Variants in MARVELD2 observed in about 807,000 individuals in gnomAD.
The protein encoded by MARVELD2 is MARVEL domain containing 2.
A neutral mutation model predicts 57.6 loss-of-function variants in MARVELD2; 49 were observed. The observed-to-expected ratio is 0.85, with a 90% confidence interval of 0.68 to 1.08. The LOEUF is 1.08. Ranked by LOEUF, MARVELD2 falls within the 50% of genes least tolerant of loss-of-function variation. The pLI, the probability that MARVELD2 is intolerant of heterozygous loss-of-function variation, is 0.00. For synonymous variants in MARVELD2, 238 were observed against 258.8 expected, an observed-to-expected ratio of 0.92 and a Z score of 0.77; for missense variants, 606 against 701.1, an observed-to-expected ratio of 0.86 and a Z score of 1.53.
intron 6 of MARVELD2, among the ~76,000 whole-genome samples, chr5:69,441,174 G>A (rs1457747928): frequency 3.3e-5 from 5 of 151,878 alleles, no homozygotes; most frequent in African/African-American, 9.7e-5. Flanking sequence ...AAGAGATGGG[G>A]TCTTGGCATG....
chr5:69,419,362 TGGCCACA>T lies in MARVELD2; in HGVS notation c.-15-6_-15del. 6.2e-7 allele frequency: 1 copy of T among 1,614,042 alleles called. No homozygotes were observed. Among genetic ancestry groups the T allele is most frequent in the Non-Finnish European group, 8.5e-7 (1 of 1,179,918 alleles). The stretch of plus-strand genomic sequence containing the variant: ...TAATCATAAGTGATAACTTTAAATT[TGGCCACA>T]GGTGTGAAAATCACAAATGTCAAAT... On this transcript the variant is annotated splice_acceptor_variant and splice_polypyrimidine_tract_variant and intron_variant, in intron 1 of 6. Coordinates refer to ENST00000325631, the MANE Select transcript of MARVELD2 (RefSeq NM_001038603.3). LOFTEE classifies it low-confidence loss of function (5UTR_SPLICE).
chr5:69,421,543 C>T (rs1018744437), intron 2 of MARVELD2, among the ~76,000 whole-genome samples: 1 of 152,168 alleles, frequency 6.6e-6, no homozygotes, highest in Non-Finnish European at 1.5e-5. Context: ...TATAACAGCA[C>T]ACACTGACAT....
chr5:69,437,556 C>T (rs757753718), intron 5 of MARVELD2, among the ~76,000 whole-genome samples: 13 of 148,186 alleles, frequency 8.8e-5, no homozygotes, highest in Admixed American at 2.0e-4. Context: ...TGGTGGTGGG[C>T]GCCTGTAATC....
chr5:69,428,231 G>GGACTGC (rs1335617537), intron 3 of MARVELD2, among the ~76,000 whole-genome samples: 201 of 38,988 alleles, frequency 5.2e-3, no homozygotes, highest in South Asian at 0.011. Context: ...GCCGGGCATG[G>GGACTGC]TGGCTCACAC....
At chr5:69,440,953 A>G (rs1158601690) in intron 6 of MARVELD2, among the ~76,000 whole-genome samples, 1 of 152,084 alleles carries the variant, frequency 6.6e-6, no homozygotes, top group Non-Finnish European at 1.5e-5. Flanking sequence ...TAGTGGTGGC[A>G]CACGCCTGTA....
In MARVELD2 at chr5:69,420,572, G is replaced by C. The variant is rs181171033; in HGVS notation, c.1146+41G>C. 58 of 1,574,202 alleles carry C rather than the reference G, an allele frequency of 3.7e-5. No homozygotes were observed. In the Admixed American group the frequency reaches 8.5e-4, roughly 23 times the overall value. ...ATCCCTCATTTGTGTGTGTATGTTT[G>C]TTTTTTCTGTTATTTGCTCCCTTGT... On this transcript the variant is annotated intron_variant, in intron 2 of 6. Coordinates refer to ENST00000325631, the MANE Select transcript of MARVELD2 (RefSeq NM_001038603.3).
chr5:69,430,427 G>A (rs927834213), intron 3 of MARVELD2, among the ~76,000 whole-genome samples: 5 of 152,054 alleles, frequency 3.3e-5, no homozygotes, highest in African/African-American at 1.2e-4. Flanking sequence ...TGTTGCCCAG[G>A]CTGGTCTCAA....
Position 69,435,022 on chromosome 5 carries a change from CT to C in MARVELD2, c.1503+1947del, listed in dbSNP as rs754658859. Among the ~76,000 whole-genome samples the C allele has an allele frequency of 4.0e-3, 482 of 121,690 alleles. 1 individual carries two copies. The highest frequency in any genetic ancestry group is 8.1e-3 in the African/African-American group (270 of 33,142). The allele number at this position is 121,690 out of a possible 152,430, so 79.8% of individuals were successfully genotyped here. ...GTGCCATTTTTTAATCAGATGTACT[CT>C]TTTTTTTTTTTTTTTTTGAGATGGA... On this transcript the variant is annotated intron_variant, in intron 5 of 6. Coordinates refer to ENST00000325631, the MANE Select transcript of MARVELD2 (RefSeq NM_001038603.3).
At chr5:69,415,223 C>A (rs1054081800) in intron 1 of MARVELD2, 53 bp downstream of exon 1, 1 of 152,318 alleles carries the variant, frequency 6.6e-6, no homozygotes, top group Non-Finnish European at 1.5e-5. Flanking sequence ...GCCCGGCGGC[C>A]CCCGGCCCAG....
chr5:69,434,587 G>A (rs1767074757), intron 5 of MARVELD2, among the ~76,000 whole-genome samples: 1 of 152,050 alleles, frequency 6.6e-6, no homozygotes, highest in Non-Finnish European at 1.5e-5. Context: ...TAGTTACAGA[G>A]GCTTAAGCTT....
chr5:69,432,677 T>C lies in MARVELD2; in HGVS notation c.1331+2T>C, dbSNP rs772048719. The C allele has an allele frequency of 3.0e-5, 48 of 1,613,878 alleles. No individual in the cohort carries two copies. The South Asian group carries it at 3.8e-4, about 13-fold the overall frequency. ...TATCGTGATGCCCGACTATGTGGCG[T>C]GAGTGTCAGTCTGAATTCTTCCTCA... is the stretch of plus-strand genomic sequence containing the variant. On this transcript the variant is annotated splice_donor_variant, in intron 4 of 6. Coordinates refer to ENST00000325631, the MANE Select transcript of MARVELD2 (RefSeq NM_001038603.3). LOFTEE classifies it high-confidence loss of function.
At chr5:69,429,573 C>T (rs1766894696) in intron 3 of MARVELD2, among the ~76,000 whole-genome samples, 1 of 152,114 alleles carries the variant, frequency 6.6e-6, no homozygotes, top group South Asian at 2.1e-4. Context: ...GCATTGCTTG[C>T]CCTGTCCATC....
chr5:69,440,318 T>C, intron 5 of MARVELD2, 132 bp from the exon 6 acceptor site: 1 of 573,538 alleles, frequency 1.7e-6, no homozygotes, highest in Non-Finnish European at 3.2e-6. Context: ...GTGAATTGAA[T>C]TTTTGTGTGT....
In MARVELD2 at chr5:69,419,919, G is replaced by A. The variant is rs111514679; in HGVS notation, c.534G>A (p.Glu178=). 8.9e-5 allele frequency: 144 copies of A among 1,614,174 alleles called. No individual in the cohort carries two copies. In the African/African-American group the frequency reaches 1.2e-3, roughly 14 times the overall value. ...GAACATACAGTGAGAAGGTGGAGGA[G>A]TATAACCTGAGATACTCCTACATGA... The part of the protein sequence containing the change: ...TVRTYSEKVE[E]YNLRYSYMKS... The change falls in exon 2 of 7, where the codon GAG becomes GAA. Residue 178 remains glutamate (E), a synonymous_variant. Coordinates refer to ENST00000325631, the MANE Select transcript of MARVELD2 (RefSeq NM_001038603.3).
chr5:69,429,845 CAAAAAAAAA>C (rs35899728), intron 3 of MARVELD2, among the ~76,000 whole-genome samples: 2 of 126,742 alleles, frequency 1.6e-5, no homozygotes, highest in African/African-American at 2.9e-5. Flanking sequence ...GACTCTGTAT[CAAAAAAAAA>C]AAAAAAAAAA....
At chr5:69,416,652 A>G (rs1200254749) in intron 1 of MARVELD2, among the ~76,000 whole-genome samples, 1 of 152,250 alleles carries the variant, frequency 6.6e-6, no homozygotes, top group East Asian at 1.9e-4. Flanking sequence ...GTTTGGCCAT[A>G]AATCGATAAG....
intron 6 of MARVELD2, 23 bp downstream of exon 6, chr5:69,440,523 A>C: frequency 7.7e-7 from 1 of 1,296,192 alleles, no homozygotes; most frequent in Non-Finnish European, 1.1e-6. Context: ...GTTTTCTTCA[A>C]ACTGTATTCT....
intron 5 of MARVELD2, among the ~76,000 whole-genome samples, chr5:69,435,415 A>T (rs1358413123): frequency 2.0e-5 from 3 of 152,068 alleles, no homozygotes; most frequent in African/African-American, 7.2e-5. Flanking sequence ...GAGTTTTGCA[A>T]TCAGCACCAC....
At position 69,442,226 on chromosome 5, in the gene MARVELD2, CTT is replaced by C. The variant is rs1490839340; in HGVS notation, c.*576_*577del. On this transcript the variant is annotated 3_prime_UTR_variant, in exon 7 of 7. Coordinates refer to ENST00000325631, the MANE Select transcript of MARVELD2 (RefSeq NM_001038603.3). ...AAGTGGACCATCAATTCTGGTGCTA[CTT>C]TTTCCTTTTTTACTCAGGCAGGTTC... 6.6e-6 allele frequency: 1 copy of C among 152,154 alleles called. No homozygotes were observed. The highest frequency in any genetic ancestry group is 1.5e-5 in the Non-Finnish European group (1 of 68,040). 9.4% of individuals were successfully genotyped at this position (152,154 alleles called of 1,614,324 possible). A position where few individuals can be genotyped will look rare whatever the true frequency, so the allele number is the denominator to read the frequency against.
Sources: allele counts gnomAD v4.1 joint callset (sites outside exome capture counted in the v4.1 genomes callset), GRCh38; gene constraint gnomAD v4.1.1; transcripts MANE v1.5; gene names NCBI Gene and HGNC (gene_info 2026-07-23, HGNC 2026-07-21).